CMSS1: variants seen among roughly 807,000 people sequenced by gnomAD.
The protein encoded by CMSS1 is cms1 ribosomal small subunit homolog.
CMSS1 carries 33 observed loss-of-function variants against 43.5 expected under a neutral mutation model. The ratio of observed to expected loss-of-function variants is 0.76; its 90% CI spans 0.57 to 1.01. The LOEUF is 1.01. CMSS1 is among the 50% of genes least tolerant of loss of function. The pLI is 0.00. For missense variants in CMSS1, 313 were observed against 326.4 expected, an observed-to-expected ratio of 0.96 and a Z score of 0.32; for synonymous variants, 115 against 117.2, an observed-to-expected ratio of 0.98 and a Z score of 0.12.
intron 1 of CMSS1, among the ~76,000 whole-genome samples, chr3:99,936,239 T>C (rs1707662828): frequency 6.6e-6 from 1 of 151,938 alleles, no homozygotes; most frequent in African/African-American, 2.4e-5. Flanking sequence ...TACTCCAATT[T>C]AGAGAAAGAA....
At chr3:100,023,922 GAAAAATGCTAGCAGT>G (rs1229293153) in intron 1 of CMSS1, among the ~76,000 whole-genome samples, 1 of 152,150 alleles carries the variant, frequency 6.6e-6, no homozygotes, top group African/African-American at 2.4e-5. Flanking sequence ...AGGAGTAGAA[GAAAAATGCTAGCAGT>G]TAAAGAAATC....
chr3:100,087,074 G>T (rs1440664086), intron 1 of CMSS1, among the ~76,000 whole-genome samples: 1 of 152,204 alleles, frequency 6.6e-6, no homozygotes, highest in African/African-American at 2.4e-5. Context: ...TCATACAGCT[G>T]TACCATAGTT....
intron 1 of CMSS1, among the ~76,000 whole-genome samples, chr3:99,879,640 T>C (rs1705653475): frequency 6.6e-6 from 1 of 152,212 alleles, no homozygotes; most frequent in Non-Finnish European, 1.5e-5. Context: ...AAAATTTTCA[T>C]TGCTGGTCCT....
intron 1 of CMSS1, among the ~76,000 whole-genome samples, chr3:100,012,786 G>T (rs1710198405): frequency 1.4e-5 from 2 of 140,020 alleles, no homozygotes; most frequent in Non-Finnish European, 3.1e-5. Flanking sequence ...TTTTGGGTTG[G>T]GGGAGGGACA....
intron 1 of CMSS1, among the ~76,000 whole-genome samples, chr3:99,907,916 T>G (rs1169061009): frequency 1.3e-5 from 2 of 152,214 alleles, no homozygotes; most frequent in Non-Finnish European, 2.9e-5. Flanking sequence ...ATCCAGTGCC[T>G]GGCACATGGA....
At chr3:100,152,266 T>C (rs1377653524) in intron 2 of CMSS1, among the ~76,000 whole-genome samples, 1 of 152,110 alleles carries the variant, frequency 6.6e-6, no homozygotes, top group Non-Finnish European at 1.5e-5. Flanking sequence ...TGCAGCCTGC[T>C]TCTTGACAGA....
chr3:99,957,232 C>T (rs2107696683), intron 1 of CMSS1, among the ~76,000 whole-genome samples: 1 of 152,184 alleles, frequency 6.6e-6, no homozygotes, highest in African/African-American at 2.4e-5. Flanking sequence ...GGTGATAAAG[C>T]ATGGAAAGTA....
intron 1 of CMSS1, among the ~76,000 whole-genome samples, chr3:100,011,131 C>A (rs953706550): frequency 6.6e-6 from 1 of 152,016 alleles, no homozygotes; most frequent in Non-Finnish European, 1.5e-5. Flanking sequence ...ACAAAGGAGT[C>A]GTTTCATGAC....
chr3:100,043,966 A>C (rs1365769347), intron 1 of CMSS1, among the ~76,000 whole-genome samples: 1 of 152,200 alleles, frequency 6.6e-6, no homozygotes, highest in African/African-American at 2.4e-5. Context: ...AGCTTATTTC[A>C]CTTAGCATGA....
rs140910056 is a variant in CMSS1 at position 99,862,552 on chromosome 3, T to C, written c.64+44509T>C. Among the ~76,000 whole-genome samples the C allele has an allele frequency of 1.4e-4, 21 of 152,336 alleles. 1 individual carries two copies. Among genetic ancestry groups the C allele is most frequent in the Admixed American group, 7.2e-4 (11 of 15,300 alleles). Reference sequence around the variant, plus strand: ...GCTGTCCTGTACACTGTAGGGTGTTTAGCAGCATCCCTGATCTCTACCTAC... The same window carrying C: ...GCTGTCCTGTACACTGTAGGGTGTTCAGCAGCATCCCTGATCTCTACCTAC... On this transcript the variant is annotated intron_variant, in intron 1 of 9. Transcript: ENST00000421999.
At chr3:99,897,186 C>T (rs1340845809) in intron 1 of CMSS1, among the ~76,000 whole-genome samples, 3 of 152,030 alleles carry the variant, frequency 2.0e-5, no homozygotes, top group African/African-American at 7.2e-5. Context: ...TAGTGAAACC[C>T]AATCTCTACT....
chr3:100,140,663 A>T (rs1576099045), intron 1 of CMSS1, among the ~76,000 whole-genome samples: 1 of 152,096 alleles, frequency 6.6e-6, no homozygotes, highest in African/African-American at 2.4e-5. Flanking sequence ...GTTGTTCTTA[A>T]CTGTGAGAAC....
At chr3:100,105,636 G>A (rs1039771173) in intron 1 of CMSS1, among the ~76,000 whole-genome samples, 2 of 152,132 alleles carry the variant, frequency 1.3e-5, no homozygotes, top group African/African-American at 4.8e-5. Context: ...TGAGTTAATA[G>A]GCTGAGGGAA....
chr3:100,021,262 C>G (rs73859919), intron 1 of CMSS1, among the ~76,000 whole-genome samples: 9 of 152,162 alleles, frequency 5.9e-5, no homozygotes, highest in Non-Finnish European at 1.0e-4. Flanking sequence ...CTATAGAGCT[C>G]TCCTTATATA....
intron 1 of CMSS1, among the ~76,000 whole-genome samples, chr3:100,103,340 G>A (rs2066340598): frequency 1.3e-5 from 2 of 152,212 alleles, no homozygotes; most frequent in African/African-American, 4.8e-5. Context: ...AGGAGGTTGG[G>A]CAAAGCTGCT....
At chr3:99,851,308 A>T (rs1406642433) in intron 1 of CMSS1, among the ~76,000 whole-genome samples, 3 of 152,174 alleles carry the variant, frequency 2.0e-5, no homozygotes, top group African/African-American at 7.2e-5. Flanking sequence ...AGCCTTAGTA[A>T]AAGAGTAAGG....
intron 1 of CMSS1, among the ~76,000 whole-genome samples, chr3:100,011,521 A>G: frequency 6.6e-6 from 1 of 152,336 alleles, no homozygotes; most frequent in African/African-American, 2.4e-5. Context: ...TTAATTTTAT[A>G]AACTAAATAC....
chr3:100,115,622 T>C (rs1460726103), intron 1 of CMSS1, among the ~76,000 whole-genome samples: 1 of 104,964 alleles, frequency 9.5e-6, no homozygotes, highest in Admixed American at 1.0e-4. Flanking sequence ...TCTCTCTCTC[T>C]CTCTCTGTCT....
At chr3:99,938,066 TGTGTGTGTGC>T (rs1445543502) in intron 1 of CMSS1, among the ~76,000 whole-genome samples, 3 of 96,028 alleles carry the variant, frequency 3.1e-5, no homozygotes, top group South Asian at 3.7e-4. Flanking sequence ...TGTGTGTGTG[TGTGTGTGTGC>T]GCGCGCGCGC....
Sources: allele counts gnomAD v4.1 joint callset (sites outside exome capture counted in the v4.1 genomes callset), GRCh38; gene constraint gnomAD v4.1.1; transcripts MANE v1.5; gene names NCBI Gene and HGNC (gene_info 2026-07-23, HGNC 2026-07-21).